GRAMD2B: variants seen among roughly 807,000 people sequenced by gnomAD.
GRAMD2B encodes the protein GRAM domain-containing protein 2B.
A neutral mutation model predicts 59.2 loss-of-function variants in GRAMD2B; 41 were observed. The observed-to-expected ratio is 0.69, with a 90% CI of 0.54 to 0.90. GRAMD2B has a LOEUF of 0.90. GRAMD2B is among the 40% of genes least tolerant of loss of function. The pLI, the probability that GRAMD2B is intolerant of heterozygous loss-of-function variation, is 0.00. For missense variants in GRAMD2B, 424 were observed against 500.5 expected, an observed-to-expected ratio of 0.85 and a Z score of 1.46; for synonymous variants, 161 against 182.7, an observed-to-expected ratio of 0.88 and a Z score of 0.96.
At chr5:126,467,158 G>A (rs2126797769) in intron 2 of GRAMD2B, among the ~76,000 whole-genome samples, 1 of 152,164 alleles carries the variant, frequency 6.6e-6, no homozygotes, top group South Asian at 2.1e-4. Context: ...GTGTGGTAGT[G>A]CATGCACTCA....
intron 1 of GRAMD2B, among the ~76,000 whole-genome samples, chr5:126,425,931 A>G (rs1760541208): frequency 6.6e-6 from 1 of 152,102 alleles, no homozygotes; most frequent in Non-Finnish European, 1.5e-5. Flanking sequence ...ATAAGTTTTG[A>G]GTTCTATTGC....
chr5:126,378,042 G>A (rs1279479034), intron 1 of GRAMD2B, among the ~76,000 whole-genome samples: 5 of 151,792 alleles, frequency 3.3e-5, no homozygotes, highest in Non-Finnish European at 7.4e-5. Context: ...CTTTTTTGGT[G>A]ATATTTGTGC....
chr5:126,384,548 C>G (rs916044976), intron 1 of GRAMD2B, among the ~76,000 whole-genome samples: 2 of 152,232 alleles, frequency 1.3e-5, no homozygotes, highest in African/African-American at 4.8e-5. Context: ...TTCAAACATG[C>G]TCCTGTTTGG....
intron 13 of GRAMD2B, 71 bp downstream of exon 13, chr5:126,488,963 G>A: frequency 9.5e-7 from 1 of 1,054,238 alleles, no homozygotes; most frequent in Non-Finnish European, 1.5e-6. Flanking sequence ...GTCAGGTCAG[G>A]GATTACACAC....
chr5:126,443,454 C>A (rs552367501), intron 1 of GRAMD2B, among the ~76,000 whole-genome samples: 2 of 152,292 alleles, frequency 1.3e-5, no homozygotes, highest in South Asian at 2.1e-4. Flanking sequence ...TATTTCTCTG[C>A]AGAGCCAGTG....
chr5:126,371,693 T>G, intron 1 of GRAMD2B: 1 of 853,448 alleles, frequency 1.2e-6, no homozygotes, highest in Non-Finnish European at 1.5e-6. Context: ...GAAGAGAAGG[T>G]GCAGCCTAGG....
At chr5:126,430,153 A>G (rs1761335912) in intron 1 of GRAMD2B, among the ~76,000 whole-genome samples, 1 of 152,216 alleles carries the variant, frequency 6.6e-6, no homozygotes, top group Non-Finnish European at 1.5e-5. Flanking sequence ...CTGCTTCTTT[A>G]TCCTTAAAGA....
chr5:126,473,069 G>T (rs1769932157), intron 4 of GRAMD2B, among the ~76,000 whole-genome samples, 196 bp from the exon 5 acceptor site: 1 of 152,222 alleles, frequency 6.6e-6, no homozygotes, highest in Non-Finnish European at 1.5e-5. Flanking sequence ...TTATACTGAA[G>T]TTGGTAAGAC....
chr5:126,406,272 G>A (rs909046725), intron 1 of GRAMD2B, among the ~76,000 whole-genome samples: 8 of 151,686 alleles, frequency 5.3e-5, no homozygotes, highest in Non-Finnish European at 1.0e-4. Context: ...GAGTTACTGG[G>A]TGCAGCACAC....
At chr5:126,485,648 T>C (rs1772762468) in intron 10 of GRAMD2B, 38 bp from the exon 11 acceptor site, 3 of 1,299,630 alleles carry the variant, frequency 2.3e-6, no homozygotes, top group Admixed American at 3.5e-5. Flanking sequence ...AAGTGTGTTA[T>C]GGTTTTAAAC....
intron 8 of GRAMD2B, among the ~76,000 whole-genome samples, chr5:126,481,691 G>A (rs1242578453): frequency 1.3e-5 from 2 of 152,158 alleles, no homozygotes; most frequent in Non-Finnish European, 2.9e-5. Context: ...TTAAGGGCCA[G>A]GCGCAGTGGC....
chr5:126,483,647 A>G, intron 9 of GRAMD2B, 73 bp downstream of exon 9: 1 of 746,848 alleles, frequency 1.3e-6, no homozygotes, highest in South Asian at 1.9e-5. Context: ...CCCTTAAAAA[A>G]AAAAAGAAAA....
intron 12 of GRAMD2B, 148 bp downstream of exon 12, chr5:126,487,125 G>T: frequency 1.7e-6 from 1 of 587,084 alleles, no homozygotes; most frequent in Non-Finnish European, 3.1e-6. Flanking sequence ...AAAGTAAAAA[G>T]GTAGGAGGGT....
rs112763413 is a variant in GRAMD2B at position 126,365,704 on chromosome 5, CT to C, written c.128+5259del. ...AATTGGCCAGTGCTACAAATCAGAG[CT>C]TTTTTTTTTTTTTCCTGGAAAACCG... On this transcript the variant is annotated intron_variant, in intron 1 of 13. Transcript: ENST00000513040. 3.3e-3 allele frequency among the ~76,000 whole-genome samples: 457 copies of C among 140,214 alleles called. No homozygotes were observed. The Middle Eastern group carries it at 0.035, about 11-fold the overall frequency. 92.0% of individuals were successfully genotyped at this position (140,214 alleles called of 152,430 possible). A position where few individuals can be genotyped will look rare whatever the true frequency, so the allele number is the denominator to read the frequency against.
upstream of GRAMD2B, among the ~76,000 whole-genome samples, chr5:126,370,690 G>A (rs1754703912): frequency 6.6e-6 from 1 of 152,154 alleles, no homozygotes; most frequent in Non-Finnish European, 1.5e-5. Context: ...ATATCAAACA[G>A]AGCAGAACTG....
chr5:126,411,743 T>A (rs1244315916), intron 1 of GRAMD2B, among the ~76,000 whole-genome samples: 2 of 151,934 alleles, frequency 1.3e-5, no homozygotes, highest in Non-Finnish European at 2.9e-5. Context: ...GAACATGGAG[T>A]GTTTTTCCAT....
intron 1 of GRAMD2B, among the ~76,000 whole-genome samples, chr5:126,372,007 T>G (rs1174870444): frequency 2.6e-5 from 4 of 152,152 alleles, no homozygotes; most frequent in African/African-American, 7.2e-5. Context: ...CAATTTAAAT[T>G]TAAAATAGTA....
intron 10 of GRAMD2B, among the ~76,000 whole-genome samples, chr5:126,484,729 G>T (rs978001165): frequency 1.3e-5 from 2 of 151,922 alleles, no homozygotes; most frequent in African/African-American, 2.4e-5. Context: ...GATTACAGAC[G>T]CATGCCACAA....
chr5:126,492,601 G>A (rs1774149645), intron 13 of GRAMD2B, among the ~76,000 whole-genome samples: 1 of 151,686 alleles, frequency 6.6e-6, no homozygotes, highest in Non-Finnish European at 1.5e-5. Flanking sequence ...CACGCCTGAA[G>A]TCCCAGCTAC....
Sources: gnomAD v4.1 joint callset for allele counts (sites outside exome capture counted in the v4.1 genomes callset) on GRCh38, gnomAD v4.1.1 for gene constraint, MANE v1.5 for transcripts, NCBI Gene and HGNC (gene_info 2026-07-23, HGNC 2026-07-21) for gene names.